Variants in PSMD9 observed in about 807,000 individuals in gnomAD.
PSMD9 encodes the protein proteasome 26S subunit, non-ATPase 9.
A neutral mutation model predicts 25.9 loss-of-function variants in PSMD9; 26 were observed. The ratio of observed to expected loss-of-function variants is 1.00; its 90% CI spans 0.73 to 1.39. The LOEUF (loss-of-function observed/expected upper bound fraction) is 1.39. PSMD9 is among the 40% of genes most tolerant of loss of function. The pLI, the probability that PSMD9 is intolerant of heterozygous loss-of-function variation, is 0.00. For missense variants in PSMD9, 303 were observed against 299.3 expected, an observed-to-expected ratio of 1.01 and a Z score of -0.09; for synonymous variants, 110 against 114.5, an observed-to-expected ratio of 0.96 and a Z score of 0.25.
chr12:121,900,016 G>A, intron 3 of PSMD9, 171 bp downstream of exon 3: 1 of 793,804 alleles, frequency 1.3e-6, no homozygotes, highest in Non-Finnish European at 2.0e-6. Flanking sequence ...CTGTGCTGGG[G>A]GCAGAGTTTT....
intron 3 of PSMD9, among the ~76,000 whole-genome samples, chr12:121,901,193 A>G (rs962529129): frequency 5.3e-5 from 8 of 151,930 alleles, no homozygotes; most frequent in Admixed American, 5.3e-4. Context: ...TCACTTCCCA[A>G]TCCCCCAGCT....
In PSMD9 at chr12:121,915,890, A is replaced by G. The variant is rs14259; in HGVS notation, c.590A>G (p.Glu197Gly). ...PLNVTVIRRG[E>G]KHQLRLVPTR... The stretch of plus-strand genomic sequence containing the variant: ...AATGTGACAGTGATCCGCAGGGGGG[A>G]AAAACACCAGCTTAGACTTGTTCCA... The change falls in exon 5 of 6, where the codon GAA becomes GGA. Residue 197 changes from glutamate (E) to glycine (G), a missense_variant. Physicochemically the swap from Glu to Gly is moderately conservative, Grantham distance 98. Coordinates refer to ENST00000541212, the MANE Select transcript of PSMD9 (RefSeq NM_002813.7). 0.3 allele frequency: 477,184 copies of G among 1,611,316 alleles called. 74,872 individuals are homozygous for G. The highest frequency in any genetic ancestry group is 0.48 in the East Asian group (21,660 of 44,832).
chr12:121,915,887 G>GCT lies in PSMD9; in HGVS notation c.587_588insCT (p.Glu197TrpfsTer48). ...CTGAATGTGACAGTGATCCGCAGGG[G>GCT]GGAAAAACACCAGCTTAGACTTGTT... On this transcript the variant is annotated frameshift_variant, in exon 5 of 6. Transcript: ENST00000541212. LOFTEE classifies it high-confidence loss of function. 1 of 1,613,884 alleles carries GCT rather than the reference G, an allele frequency of 6.2e-7. No individual in the cohort carries two copies. Among genetic ancestry groups the GCT allele is most frequent in the Non-Finnish European group, 8.5e-7 (1 of 1,179,946 alleles).
Position 121,888,806 on chromosome 12 carries a change from T to A in PSMD9, c.-51T>A, listed in dbSNP as rs759380363. 5 of 1,567,538 alleles carry A rather than the reference T, an allele frequency of 3.2e-6. No individual in the cohort carries two copies. Among genetic ancestry groups the A allele is most frequent in the Non-Finnish European group, 4.3e-6 (5 of 1,157,116 alleles). The stretch of plus-strand genomic sequence containing the variant: ...GCCGTAGTTACGGTCGACTGGGGCG[T>A]CGTCCCTAGCCCGGGAGCCGGGTCT... On this transcript the variant is annotated 5_prime_UTR_variant, in exon 1 of 6. Transcript: ENST00000541212.
rs377693170 is a variant in PSMD9, at chr12:121,899,785, C to T, written c.393C>T (p.Gly131=). 10 of 1,614,090 alleles carry T rather than the reference C, an allele frequency of 6.2e-6. No homozygotes were observed. The highest frequency in any genetic ancestry group is 3.3e-5 in the Admixed American group (2 of 60,016). Residue 131 remains glycine (G), a synonymous_variant, in exon 3 of 6, where the codon GGC becomes GGT. Coordinates refer to ENST00000541212, the MANE Select transcript of PSMD9 (RefSeq NM_002813.7). ...AACTGGGTCAGAGTGAGAGCCAGGGCCCTCCACGGGCCTTCGCCAAAGTGA... is the reference window on the plus strand; with the variant it reads ...AACTGGGTCAGAGTGAGAGCCAGGGTCCTCCACGGGCCTTCGCCAAAGTGA... ...SRKLGQSESQ[G]PPRAFAKVNS... is the part of the protein sequence containing the mutation.
chr12:121,906,222 T>C (rs1342712603), intron 4 of PSMD9, among the ~76,000 whole-genome samples: 2 of 152,110 alleles, frequency 1.3e-5, no homozygotes, highest in African/African-American at 4.8e-5. Flanking sequence ...AAGATGTCAC[T>C]GGATAAAGGC....
chr12:121,901,649 C>T (rs1879399476), intron 3 of PSMD9, among the ~76,000 whole-genome samples: 1 of 148,994 alleles, frequency 6.7e-6, no homozygotes, highest in African/African-American at 2.5e-5. Flanking sequence ...GCTGTCATGC[C>T]TGGCCCTTCA....
chr12:121,894,472 T>G, intron 1 of PSMD9: 2 of 363,118 alleles, frequency 5.5e-6, no homozygotes, highest in Non-Finnish European at 1.0e-5. Context: ...CTCAAAGGAG[T>G]CTTTGGTTTT....
intron 4 of PSMD9, among the ~76,000 whole-genome samples, chr12:121,910,717 G>A (rs1027244436): frequency 1.3e-5 from 2 of 151,268 alleles, no homozygotes; most frequent in African/African-American, 4.9e-5. Context: ...CCGAGATCAC[G>A]CCACTGCACT....
intron 3 of PSMD9, among the ~76,000 whole-genome samples, chr12:121,901,379 C>T (rs765487688): frequency 1.4e-4 from 21 of 152,138 alleles, no homozygotes; most frequent in Non-Finnish European, 2.5e-4. Context: ...GACAGGGTCT[C>T]ACTCTCTCAC....
intron 2 of PSMD9, chr12:121,897,649 C>T (rs1879273569): frequency 6.7e-6 from 1 of 150,110 alleles, no homozygotes; most frequent in South Asian, 2.1e-4. Flanking sequence ...ATCCGCCCGC[C>T]TCGGCCTCGA....
chr12:121,902,930 G>A, intron 3 of PSMD9, 76 bp from the exon 4 acceptor site: 1 of 1,157,660 alleles, frequency 8.6e-7, no homozygotes, highest in Non-Finnish European at 1.3e-6. Flanking sequence ...GCATTAAATT[G>A]GGTATTGAAG....
intron 3 of PSMD9, among the ~76,000 whole-genome samples, chr12:121,900,995 AAAAAAAAAAAAAG>A (rs1304665489): frequency 6.6e-6 from 1 of 150,958 alleles, no homozygotes; most frequent in African/African-American, 2.5e-5. Context: ...TAAAAAAAAA[AAAAAAAAAAAAAG>A]GAGATGGGGT....
intron 5 of PSMD9, 99 bp downstream of exon 5, chr12:121,916,043 T>C: frequency 1.5e-6 from 2 of 1,320,770 alleles, no homozygotes; most frequent in East Asian, 2.3e-5. Context: ...TGGGGAATAA[T>C]GGGAATCCCC....
chr12:121,905,948 G>A (rs970702845), intron 4 of PSMD9, among the ~76,000 whole-genome samples: 3 of 151,812 alleles, frequency 2.0e-5, no homozygotes, highest in Admixed American at 6.6e-5. Flanking sequence ...ATCCCTCACC[G>A]TCAACTTCCA....
chr12:121,895,682 C>T (rs1331849712), intron 2 of PSMD9, among the ~76,000 whole-genome samples: 3 of 152,190 alleles, frequency 2.0e-5, no homozygotes. Flanking sequence ...TCTGTCATAA[C>T]ATCTCTTTCT....
intron 4 of PSMD9, 25 bp downstream of exon 4, chr12:121,903,132 G>C (rs767538593): frequency 6.3e-7 from 1 of 1,587,800 alleles, no homozygotes; most frequent in East Asian, 2.2e-5. Flanking sequence ...CTGGTGTCTC[G>C]GTCTGTTTGG....
intron 4 of PSMD9, among the ~76,000 whole-genome samples, chr12:121,904,088 A>G (rs944288941): frequency 6.6e-6 from 1 of 152,070 alleles, no homozygotes; most frequent in African/African-American, 2.4e-5. Context: ...AGGCCAGGTC[A>G]GGTCAGGAGA....
intron 4 of PSMD9, among the ~76,000 whole-genome samples, chr12:121,912,593 C>G (rs1027160783): frequency 6.6e-6 from 1 of 152,080 alleles, no homozygotes; most frequent in Non-Finnish European, 1.5e-5. Context: ...AGGCTGGGCG[C>G]TGTGTCTCAT....
Sources: allele counts gnomAD v4.1 joint callset (sites outside exome capture counted in the v4.1 genomes callset), GRCh38; gene constraint gnomAD v4.1.1; transcripts MANE v1.5; gene names NCBI Gene and HGNC (gene_info 2026-07-23, HGNC 2026-07-21).